Variants in NARS1 observed in about 807,000 individuals in gnomAD.
NARS1 encodes asparaginyl-tRNA synthetase 1, also known as asparagine--tRNA ligase, cytoplasmic.
Under a neutral mutation model 79.2 loss-of-function variants are expected in NARS1, and 65 were observed. That is an observed-to-expected ratio of 0.82 (90% CI 0.67 to 1.01). The LOEUF is 1.01. Among genes scored for constraint, NARS1 ranks in the 50% least tolerant of loss-of-function variants. The probability of loss-of-function intolerance (pLI) is 0.00; values close to 1 mark genes in which losing one functional copy is unlikely to be tolerated. For synonymous variants in NARS1, 229 were observed against 238.8 expected, an observed-to-expected ratio of 0.96 and a Z score of 0.38; for missense variants, 649 against 673.8, an observed-to-expected ratio of 0.96 and a Z score of 0.41.
chr18:57,607,225 A>C lies in NARS1; in HGVS notation c.910T>G (p.Leu304Val). The C allele has an allele frequency of 6.2e-7, 1 of 1,614,068 alleles. No homozygotes were observed. The highest frequency in any genetic ancestry group is 2.2e-5 in the East Asian group (1 of 44,898). ...CCCAGGGCTGGGAGGCAGGTCTCCA[A>C]GTACAACTGAGAGGATTGAGTCAAA... is the stretch of plus-strand genomic sequence containing the variant. Reference protein sequence around the residue: ...AFLTQSSQLYLETCLPALGDV... With the variant: ...AFLTQSSQLYVETCLPALGDV... Residue 304 changes from leucine to valine, a missense_variant, in exon 9 of 14, where the codon TTG becomes GTG. Coordinates refer to ENST00000256854, the MANE Select transcript of NARS1 (RefSeq NM_004539.4).
intron 7 of NARS1, among the ~76,000 whole-genome samples, chr18:57,608,578 T>C (rs1013416824): frequency 6.6e-6 from 1 of 152,204 alleles, no homozygotes; most frequent in African/African-American, 2.4e-5. Context: ...AGTGGCTATA[T>C]TATAGCCCAT....
chr18:57,601,368 T>G lies in NARS1; in HGVS notation c.*284A>C. On this transcript the variant is annotated 3_prime_UTR_variant, in exon 14 of 14. Transcript: ENST00000256854. The stretch of plus-strand genomic sequence containing the variant: ...AATAAAATGAATAACTTGGATAAAG[T>G]GAGTAAAATGCTGAAATGTATCCCT... 4.0e-6 allele frequency: 1 copy of G among 250,770 alleles called. No individual in the cohort carries two copies. The highest frequency in any genetic ancestry group is 8.1e-5 in the South Asian group (1 of 12,408). The allele number at this position is 250,770 out of a possible 1,614,324, so 15.5% of individuals were successfully genotyped here.
chr18:57,603,022 G>C, intron 11 of NARS1, 79 bp from the exon 12 acceptor site: 3 of 1,419,246 alleles, frequency 2.1e-6, no homozygotes, highest in Non-Finnish European at 2.9e-6. Flanking sequence ...CCCTGTACCA[G>C]TCCTTCCTCC....
Position 57,609,338 on chromosome 18 carries a change from C to T in NARS1, c.579+19G>A, listed in dbSNP as rs188889474. 8.2e-5 allele frequency: 131 copies of T among 1,588,782 alleles called. No individual in the cohort carries two copies. The East Asian group carries it at 2.5e-3, about 31-fold the overall frequency. On this transcript the variant is annotated intron_variant, in intron 7 of 13. Transcript: ENST00000256854. ...AAATAAACTATTCATTCACCCAGTG[C>T]GAAACTCAATCCACTCACCTGCTTG...
chr18:57,606,028 T>A, intron 10 of NARS1, 58 bp from the exon 11 acceptor site: 2 of 1,116,954 alleles, frequency 1.8e-6, no homozygotes, highest in Non-Finnish European at 2.6e-6. Flanking sequence ...ACATTAACAC[T>A]AAAATTTCCA....
At chr18:57,606,945 T>G in intron 9 of NARS1, 189 bp downstream of exon 9, 1 of 915,188 alleles carries the variant, frequency 1.1e-6, no homozygotes, top group Non-Finnish European at 1.6e-6. Context: ...ATATAAAAGA[T>G]CAAGTCAAAG....
Position 57,602,808 on chromosome 18 carries a change from T to C in NARS1, c.1383+4A>G. Reference sequence around the variant, plus strand: ...TATTAATACTCTTTGAAACAGAAACTGACAGATTCAGTAAGACGGGAATCC... The same window carrying C: ...TATTAATACTCTTTGAAACAGAAACCGACAGATTCAGTAAGACGGGAATCC... On this transcript the variant is annotated splice_donor_region_variant and intron_variant, in intron 12 of 13. Coordinates refer to ENST00000256854, the MANE Select transcript of NARS1 (RefSeq NM_004539.4). The C allele has an allele frequency of 6.2e-7, 1 of 1,613,704 alleles. No homozygotes were observed. The highest frequency in any genetic ancestry group is 8.5e-7 in the Non-Finnish European group (1 of 1,179,874).
intron 6 of NARS1, among the ~76,000 whole-genome samples, chr18:57,610,876 C>G (rs545951417): frequency 6.6e-6 from 1 of 151,418 alleles, no homozygotes; most frequent in Non-Finnish European, 1.5e-5. Flanking sequence ...AAAGGCAGTA[C>G]GAACTGATAA....
chr18:57,606,007 CATAAAT>C (rs2051553347), intron 10 of NARS1, 37 bp from the exon 11 acceptor site: 7 of 1,257,884 alleles, frequency 5.6e-6, no homozygotes, highest in Admixed American at 2.1e-5. Flanking sequence ...TGTATATATA[CATAAAT>C]ATAAACATTA....
At chr18:57,612,632 C>T (rs903812890) in intron 5 of NARS1, among the ~76,000 whole-genome samples, 4 of 152,154 alleles carry the variant, frequency 2.6e-5, no homozygotes, top group South Asian at 4.1e-4. Flanking sequence ...GAAGAGGTTT[C>T]ACCATGTTGG....
At position 57,602,345 on chromosome 18, in the gene NARS1, T is replaced by C. The variant is rs561045292; in HGVS notation, c.1515+10A>G. The C allele has an allele frequency of 1.2e-5, 19 of 1,605,026 alleles. No individual in the cohort carries two copies. Among genetic ancestry groups the C allele is most frequent in the Admixed American group, 1.7e-5 (1 of 57,208 alleles). ...AAAAAAATGTTGAGTACTTAAAAAA[T>C]TGGTTTTACCTGATCCGTATACCAG... On this transcript the variant is annotated intron_variant, in intron 13 of 13. Coordinates refer to ENST00000256854, the MANE Select transcript of NARS1 (RefSeq NM_004539.4).
chr18:57,620,732 G>A (rs1208568047), intron 1 of NARS1, 81 bp from the exon 2 acceptor site: 13 of 782,612 alleles, frequency 1.7e-5, no homozygotes, highest in Non-Finnish European at 2.8e-5. Context: ...CCTTATCTTT[G>A]TAAACAGAAC....
At chr18:57,619,065 C>G (rs191199626) in intron 2 of NARS1, among the ~76,000 whole-genome samples, 50 of 152,182 alleles carry the variant, frequency 3.3e-4, no homozygotes, top group African/African-American at 1.2e-3. Context: ...AGGGGATGCA[C>G]AGAAAAAGGA....
At chr18:57,612,360 C>T (rs1004633945) in intron 5 of NARS1, among the ~76,000 whole-genome samples, 5 of 152,158 alleles carry the variant, frequency 3.3e-5, no homozygotes, top group African/African-American at 1.2e-4. Context: ...AACAAAATCA[C>T]TTTTTCTTAT....
intron 6 of NARS1, among the ~76,000 whole-genome samples, chr18:57,611,392 A>G (rs570848604): frequency 1.3e-4 from 20 of 152,254 alleles, no homozygotes; most frequent in Admixed American, 1.1e-3. Flanking sequence ...TGGGCATTTG[A>G]TGATTTTTTA....
chr18:57,613,799 G>T, intron 4 of NARS1, 119 bp from the exon 5 acceptor site: 1 of 763,446 alleles, frequency 1.3e-6, no homozygotes, highest in Non-Finnish European at 2.2e-6. Flanking sequence ...CAAAACTGGA[G>T]ACAGCCCCTC....
intron 5 of NARS1, among the ~76,000 whole-genome samples, chr18:57,612,152 C>T (rs954027390): frequency 4.6e-5 from 7 of 152,318 alleles, no homozygotes; most frequent in African/African-American, 1.7e-4. Flanking sequence ...ACTGGTAATA[C>T]CACTACTCAG....
intron 3 of NARS1, 32 bp from the exon 4 acceptor site, chr18:57,615,762 T>C: frequency 6.2e-7 from 1 of 1,610,348 alleles, no homozygotes; most frequent in Admixed American, 1.7e-5. Context: ...TTTGTTAACA[T>C]GGTTGCCAGA....
At chr18:57,607,711 T>G in intron 7 of NARS1, 46 bp from the exon 8 acceptor site, 5 of 1,447,902 alleles carry the variant, frequency 3.5e-6, no homozygotes, top group Non-Finnish European at 4.7e-6. Flanking sequence ...GAAAAGGAAA[T>G]AAAAAATTAA....
Sources: allele counts gnomAD v4.1 joint callset (sites outside exome capture counted in the v4.1 genomes callset), GRCh38; gene constraint gnomAD v4.1.1; transcripts MANE v1.5; gene names NCBI Gene and HGNC (gene_info 2026-07-23, HGNC 2026-07-21).